Variants in PTPRT observed in about 807,000 individuals in gnomAD.
The protein encoded by PTPRT is protein tyrosine phosphatase receptor type T.
A neutral mutation model predicts 176.8 loss-of-function variants in PTPRT; 56 were observed. The observed-to-expected ratio is 0.32, with a 90% CI of 0.26 to 0.40. The LOEUF (loss-of-function observed/expected upper bound fraction) is 0.40, where lower values mean the gene tolerates loss of function less well. PTPRT is among the 10% of genes least tolerant of loss of function. The probability of loss-of-function intolerance (pLI) is 1.00; values close to 1 mark genes in which losing one functional copy is unlikely to be tolerated. For missense variants in PTPRT, 1,540 were observed against 1,908.2 expected, an observed-to-expected ratio of 0.81 and a Z score of 3.60; for synonymous variants, 783 against 739.0, an observed-to-expected ratio of 1.06 and a Z score of -0.96.
At chr20:42,645,802 G>A (rs1246186067) in intron 7 of PTPRT, among the ~76,000 whole-genome samples, 4 of 149,796 alleles carry the variant, frequency 2.7e-5, no homozygotes, top group Non-Finnish European at 5.9e-5. Flanking sequence ...GTGTGTGTGT[G>A]TAGGGAGGGG....
intron 1 of PTPRT, among the ~76,000 whole-genome samples, chr20:43,020,607 G>A (rs1047752189): frequency 6.6e-6 from 1 of 152,048 alleles, no homozygotes; most frequent in African/African-American, 2.4e-5. Context: ...CCCCAACCCT[G>A]CCATGCCCCA....
chr20:42,194,916 A>G (rs1991143519), intron 16 of PTPRT, among the ~76,000 whole-genome samples: 1 of 152,150 alleles, frequency 6.6e-6, no homozygotes, highest in Non-Finnish European at 1.5e-5. Flanking sequence ...TAGAAAAATC[A>G]AACACCGCAT....
At chr20:42,892,642 A>G (rs2079214760) in intron 1 of PTPRT, among the ~76,000 whole-genome samples, 1 of 152,146 alleles carries the variant, frequency 6.6e-6, no homozygotes, top group African/African-American at 2.4e-5. Context: ...GATACGCAGA[A>G]ACACCTGCTC....
intron 1 of PTPRT, among the ~76,000 whole-genome samples, chr20:43,012,557 C>T (rs1985183423): frequency 6.6e-6 from 1 of 152,124 alleles, no homozygotes; most frequent in Non-Finnish European, 1.5e-5. Flanking sequence ...TAAATGCACA[C>T]TTAAAAATGG....
At chr20:42,054,782 G>T in the PTPRT span, among the ~76,000 whole-genome samples, 1 of 152,190 alleles carries the variant, frequency 6.6e-6, no homozygotes, top group East Asian at 1.9e-4. Flanking sequence ...TCACTCAACT[G>T]ATATGCCGAA....
chr20:42,429,357 A>G (rs2059195528), intron 9 of PTPRT, among the ~76,000 whole-genome samples: 1 of 152,156 alleles, frequency 6.6e-6, no homozygotes, highest in South Asian at 2.1e-4. Context: ...GGTATCGTGG[A>G]GGAGTGAACT....
intron 9 of PTPRT, among the ~76,000 whole-genome samples, chr20:42,368,433 C>T (rs994299830): frequency 2.0e-5 from 3 of 152,258 alleles, no homozygotes; most frequent in East Asian, 1.9e-4. Flanking sequence ...CCAGGGACCC[C>T]GAGATCTTGA....
intron 8 of PTPRT, among the ~76,000 whole-genome samples, chr20:42,448,792 T>G (rs748208213): frequency 6.6e-6 from 1 of 151,802 alleles, no homozygotes; most frequent in African/African-American, 2.4e-5. Flanking sequence ...CTGGGCCACA[T>G]TGGAAGAAGA....
intron 1 of PTPRT, among the ~76,000 whole-genome samples, chr20:42,960,442 G>GC (rs1197986472): frequency 1.3e-5 from 2 of 152,102 alleles, no homozygotes; most frequent in Non-Finnish European, 2.9e-5. Context: ...TGAAGACGGA[G>GC]CCCTCATGAC....
intron 1 of PTPRT, among the ~76,000 whole-genome samples, chr20:43,086,503 C>G (rs2011607983): frequency 6.6e-6 from 1 of 152,142 alleles, no homozygotes; most frequent in Admixed American, 6.5e-5. Context: ...CAAAGCAAAA[C>G]CTTTAACTAG....
At chr20:42,834,701 T>C (rs2078151438) in intron 2 of PTPRT, among the ~76,000 whole-genome samples, 1 of 152,132 alleles carries the variant, frequency 6.6e-6, no homozygotes, top group Admixed American at 6.5e-5. Context: ...CCCACCACCC[T>C]TTTTCCTTTT....
At chr20:43,002,852 AATAAAG>A (rs1367697205) in intron 1 of PTPRT, among the ~76,000 whole-genome samples, 1 of 152,122 alleles carries the variant, frequency 6.6e-6, no homozygotes, top group Non-Finnish European at 1.5e-5. Context: ...AGAGAGGCTT[AATAAAG>A]ATAAAGGCAG....
the PTPRT span, among the ~76,000 whole-genome samples, chr20:42,038,246 C>A: frequency 6.6e-6 from 1 of 152,128 alleles, no homozygotes; most frequent in Admixed American, 6.5e-5. Context: ...AGGAGATCGG[C>A]TCAGAGAGGT....
intron 1 of PTPRT, among the ~76,000 whole-genome samples, chr20:42,940,979 G>C (rs1030647872): frequency 3.9e-4 from 59 of 152,090 alleles, no homozygotes; most frequent in Non-Finnish European, 6.9e-4. Flanking sequence ...CTACTCAGGA[G>C]GCTGAGGCAG....
At chr20:42,128,530 G>C (rs1026719410) in intron 19 of PTPRT, among the ~76,000 whole-genome samples, 10 of 152,190 alleles carry the variant, frequency 6.6e-5, no homozygotes, top group African/African-American at 2.4e-4. Flanking sequence ...GAATGAGTAA[G>C]ACTAACAGTT....
chr20:43,066,893 T>C (rs186505516), intron 1 of PTPRT, among the ~76,000 whole-genome samples: 55 of 152,342 alleles, frequency 3.6e-4, no homozygotes, highest in Non-Finnish European at 7.2e-4. Context: ...CTCTGGCACT[T>C]TTTGTGCTAC....
At chr20:42,433,044 T>G (rs1447949672) in intron 9 of PTPRT, among the ~76,000 whole-genome samples, 1 of 152,130 alleles carries the variant, frequency 6.6e-6, no homozygotes, top group Non-Finnish European at 1.5e-5. Flanking sequence ...CCATGTTGAG[T>G]TCAGTCATGA....
chr20:42,106,850 A>G lies in PTPRT; in HGVS notation c.3326T>C (p.Val1109Ala). 1.9e-6 allele frequency: 3 copies of G among 1,613,940 alleles called. No individual in the cohort carries two copies. The highest frequency in any genetic ancestry group is 2.5e-6 in the Non-Finnish European group (3 of 1,179,966). The change falls in exon 24 of 31, where the codon GTG (valine) becomes GCG (alanine). Residue 1109 changes from valine to alanine, a missense_variant. Physicochemically the swap from Val to Ala is moderately conservative, Grantham distance 64. Transcript: ENST00000373187. ...TMLDMAENEG[V>A]VDIFNCVREL... Reference sequence around the variant, plus strand: ...ACGCACGCAGTTGAAGATGTCCACCACCCCTTCATTCTCGGCCATGTCAAG... The same window carrying G: ...ACGCACGCAGTTGAAGATGTCCACCGCCCCTTCATTCTCGGCCATGTCAAG...
intron 1 of PTPRT, among the ~76,000 whole-genome samples, chr20:42,944,520 C>T (rs1220849209): frequency 1.3e-5 from 2 of 152,168 alleles, no homozygotes; most frequent in East Asian, 1.9e-4. Flanking sequence ...ATTCCTCCAA[C>T]CTTACCTGCA....
Sources: allele counts gnomAD v4.1 joint callset (sites outside exome capture counted in the v4.1 genomes callset), GRCh38; gene constraint gnomAD v4.1.1; transcripts MANE v1.5; gene names NCBI Gene and HGNC (gene_info 2026-07-23, HGNC 2026-07-21).